The following FSTL4 variants were observed in gnomAD, a reference collection of about 807,000 sequenced individuals.
The protein encoded by FSTL4 is follistatin-related protein 4.
Under a neutral mutation model 78.2 loss-of-function variants are expected in FSTL4, and 28 were observed. That is an observed-to-expected ratio of 0.36 (90% CI 0.27 to 0.49). The LOEUF is 0.49. Ranked by LOEUF, FSTL4 falls within the 20% of genes least tolerant of loss-of-function variation. The probability of loss-of-function intolerance (pLI) is 0.98; values close to 1 mark genes in which losing one functional copy is unlikely to be tolerated. For synonymous variants in FSTL4, 422 were observed against 440.5 expected (o/e 0.96, Z 0.53); for missense variants, 922 against 1,084.9 (o/e 0.85, Z 2.11).
rs925652235 is a variant in FSTL4 at position 133,466,405 on chromosome 5, G to A, written c.161-65419C>T. Among the ~76,000 whole-genome samples, 5 of 152,226 alleles carry A rather than the reference G, an allele frequency of 3.3e-5. No individual in the cohort carries two copies. In the East Asian group the frequency reaches 5.8e-4, roughly 18 times the overall value. On this transcript the variant is annotated intron_variant, in intron 3 of 15. Transcript: ENST00000265342. The stretch of plus-strand genomic sequence containing the variant: ...AAAATACAAAAAATTAGCCGGGTGC[G>A]GTGGCAGGCGCCTGTAGTCCCAGCT...
chr5:133,217,282 G>T lies in FSTL4; in HGVS notation c.1555C>A (p.Pro519Thr), dbSNP rs764044529. 3 of 1,613,498 alleles carry T rather than the reference G, an allele frequency of 1.9e-6. No homozygotes were observed. The highest frequency in any genetic ancestry group is 1.3e-5 in the African/African-American group (1 of 74,876). The change falls in exon 13 of 16, where the codon CCA (proline) becomes ACA (threonine). Residue 519 changes from proline to threonine, a missense_variant. By Grantham distance (38) the Pro-to-Thr change is conservative. Coordinates refer to ENST00000265342, the MANE Select transcript of FSTL4 (RefSeq NM_015082.2). ...VRNRYIYVAQ[P>T]ALSRVLVVDI... ...ACCACAAGGACTCTGCTCAGTGCTG[G>T]CTGGGCCACATAGATGTACCGGTTC...
At chr5:133,257,310 C>T (rs2126830899) in intron 6 of FSTL4, among the ~76,000 whole-genome samples, 1 of 152,298 alleles carries the variant, frequency 6.6e-6, no homozygotes, top group East Asian at 1.9e-4. Flanking sequence ...GGGCCCGTGA[C>T]TCCTGTAAAG....
intron 7 of FSTL4, among the ~76,000 whole-genome samples, chr5:133,245,774 G>A (rs1156383054): frequency 2.0e-5 from 3 of 152,150 alleles, no homozygotes; most frequent in Non-Finnish European, 4.4e-5. Context: ...AACATTACTC[G>A]CTGCAAAATC....
At chr5:133,488,986 C>T (rs1758200413) in intron 3 of FSTL4, among the ~76,000 whole-genome samples, 1 of 152,202 alleles carries the variant, frequency 6.6e-6, no homozygotes, top group South Asian at 2.1e-4. Context: ...CCCCATTGGA[C>T]AGAGGGTAGG....
intron 6 of FSTL4, among the ~76,000 whole-genome samples, chr5:133,306,172 C>G (rs1397889565): frequency 6.6e-6 from 1 of 152,254 alleles, no homozygotes; most frequent in Non-Finnish European, 1.5e-5. Flanking sequence ...GCCAGCAAAG[C>G]TGACCTCCAG....
chr5:133,308,250 C>G (rs1301637634), intron 6 of FSTL4, among the ~76,000 whole-genome samples: 1 of 152,198 alleles, frequency 6.6e-6, no homozygotes, highest in Non-Finnish European at 1.5e-5. Flanking sequence ...CACTGGCACC[C>G]ATGGTCTTGG....
intron 3 of FSTL4, among the ~76,000 whole-genome samples, chr5:133,469,541 T>C (rs150205241): frequency 6.6e-6 from 1 of 152,322 alleles, no homozygotes; most frequent in East Asian, 1.9e-4. Flanking sequence ...CAGCTTTGCT[T>C]TGGGCATGTT....
At chr5:133,423,536 C>CA (rs1756742824) in intron 3 of FSTL4, among the ~76,000 whole-genome samples, 1 of 152,186 alleles carries the variant, frequency 6.6e-6, no homozygotes, top group African/African-American at 2.4e-5. Flanking sequence ...ACAGGAGCGA[C>CA]AGAGTGCATG....
intron 3 of FSTL4, among the ~76,000 whole-genome samples, chr5:133,443,886 C>G (rs1757210688): frequency 6.6e-6 from 1 of 152,220 alleles, no homozygotes; most frequent in South Asian, 2.1e-4. Flanking sequence ...CAGAATACTC[C>G]CCCTCACTCT....
intron 3 of FSTL4, among the ~76,000 whole-genome samples, chr5:133,455,260 C>T (rs1297821042): frequency 6.6e-6 from 1 of 152,142 alleles, no homozygotes; most frequent in South Asian, 2.1e-4. Flanking sequence ...TACTTCCTAG[C>T]CTTCCTGCTT....
chr5:133,731,490 T>C, the FSTL4 span, among the ~76,000 whole-genome samples: 7 of 152,108 alleles, frequency 4.6e-5, no homozygotes, highest in Admixed American at 4.6e-4. Context: ...CTCTAACACA[T>C]GGTCCAGTTC....
chr5:133,737,086 G>A, the FSTL4 span, among the ~76,000 whole-genome samples: 1 of 152,110 alleles, frequency 6.6e-6, no homozygotes, highest in Non-Finnish European at 1.5e-5. Context: ...ATCCAATTAT[G>A]TTCTTTAAAT....
chr5:133,811,030 C>T, the FSTL4 span, among the ~76,000 whole-genome samples: 29 of 152,210 alleles, frequency 1.9e-4, no homozygotes, highest in Middle Eastern at 0.01. Context: ...GCTCCCATAC[C>T]GTCACTATCT....
intron 3 of FSTL4, among the ~76,000 whole-genome samples, chr5:133,541,950 A>ACT (rs1217105721): frequency 2.1e-4 from 31 of 150,964 alleles, no homozygotes; most frequent in African/African-American, 7.3e-4. Flanking sequence ...ACACACACAC[A>ACT]CTCTTAACTT....
intron 6 of FSTL4, among the ~76,000 whole-genome samples, chr5:133,250,858 G>A (rs75507434): frequency 0.038 from 5,719 of 152,306 alleles, 162 homozygotes; most frequent in Non-Finnish European, 0.055. Flanking sequence ...AACAAGCTAC[G>A]CTAGGTGCTT....
chr5:133,668,637 C>T, the FSTL4 span, among the ~76,000 whole-genome samples: 1 of 152,158 alleles, frequency 6.6e-6, no homozygotes, highest in African/African-American at 2.4e-5. Context: ...GCTAACATGA[C>T]CTTGCTAGTA....
chr5:133,306,124 T>C (rs1415135033), intron 6 of FSTL4, among the ~76,000 whole-genome samples: 1 of 152,188 alleles, frequency 6.6e-6, no homozygotes, highest in Non-Finnish European at 1.5e-5. Flanking sequence ...CCATATTCTA[T>C]GCCTATAAAT....
At chr5:133,446,557 T>G (rs548697659) in intron 3 of FSTL4, among the ~76,000 whole-genome samples, 1 of 152,296 alleles carries the variant, frequency 6.6e-6, no homozygotes, top group East Asian at 1.9e-4. Context: ...CTCCTCCAAG[T>G]GTTCTCTTTC....
At chr5:133,227,753 A>G (rs1261642176) in intron 8 of FSTL4, among the ~76,000 whole-genome samples, 1 of 152,270 alleles carries the variant, frequency 6.6e-6, no homozygotes, top group Non-Finnish European at 1.5e-5. Context: ...AAAGCTGAAG[A>G]ACAGAACTGG....
Sources: gnomAD v4.1 joint callset for allele counts (sites outside exome capture counted in the v4.1 genomes callset) on GRCh38, gnomAD v4.1.1 for gene constraint, MANE v1.5 for transcripts, NCBI Gene and HGNC (gene_info 2026-07-23, HGNC 2026-07-21) for gene names.